The following RGL1 variants were observed in gnomAD, a reference collection of about 807,000 sequenced individuals.
RGL1 encodes ral guanine nucleotide dissociation stimulator-like 1.
Under a neutral mutation model 95.2 loss-of-function variants are expected in RGL1, and 24 were observed. The observed-to-expected ratio is 0.25, with a 90% CI of 0.18 to 0.35. The LOEUF is 0.35. RGL1 is among the 10% of genes least tolerant of loss of function. RGL1 has a pLI of 1.00. For missense variants in RGL1, 715 were observed against 936.3 expected, an observed-to-expected ratio of 0.76 and a Z score of 3.08; for synonymous variants, 329 against 344.9, an observed-to-expected ratio of 0.95 and a Z score of 0.51.
intron 2 of RGL1, among the ~76,000 whole-genome samples, chr1:183,774,100 C>G (rs1465180932): frequency 6.6e-6 from 1 of 152,136 alleles, no homozygotes; most frequent in Non-Finnish European, 1.5e-5. Flanking sequence ...TAGCAAGCCC[C>G]TTGATACAAA....
chr1:183,722,292 T>C (rs1292111314), intron 1 of RGL1, among the ~76,000 whole-genome samples: 2 of 149,876 alleles, frequency 1.3e-5, no homozygotes, highest in African/African-American at 2.4e-5. Flanking sequence ...AAAATGAAGC[T>C]TACACACAGA....
intron 15 of RGL1, among the ~76,000 whole-genome samples, chr1:183,912,804 A>T (rs10911464): frequency 0.29 from 44,781 of 152,106 alleles, 6,807 homozygotes; most frequent in East Asian, 0.48. Flanking sequence ...TACCCAGGGC[A>T]TGCCCTTAGC....
chr1:183,766,980 C>T (rs1342207573), intron 2 of RGL1, among the ~76,000 whole-genome samples: 1 of 151,700 alleles, frequency 6.6e-6, no homozygotes, highest in African/African-American at 2.4e-5. Flanking sequence ...CTTTGGAAAG[C>T]CAAGGTGGGA....
intron 13 of RGL1, among the ~76,000 whole-genome samples, chr1:183,906,625 A>G (rs112060657): frequency 1.7e-3 from 255 of 152,328 alleles, no homozygotes; most frequent in African/African-American, 6.1e-3. Flanking sequence ...AATAGTAGGA[A>G]GGAGGTAATA....
chr1:183,872,061 C>T (rs1273333163), intron 4 of RGL1, among the ~76,000 whole-genome samples: 4 of 152,214 alleles, frequency 2.6e-5, no homozygotes, highest in Non-Finnish European at 1.5e-5. Flanking sequence ...CTTTCTATGA[C>T]AGAAGAAAAC....
intron 2 of RGL1, among the ~76,000 whole-genome samples, chr1:183,799,395 T>C (rs534508767): frequency 6.6e-6 from 1 of 152,346 alleles, no homozygotes; most frequent in East Asian, 1.9e-4. Flanking sequence ...CATACTGTTT[T>C]CCATAGTGGC....
chr1:183,806,582 T>C (rs1661353456), intron 2 of RGL1, 97 bp downstream of exon 2: 4 of 804,338 alleles, frequency 5.0e-6, no homozygotes, highest in Middle Eastern at 2.5e-4. Flanking sequence ...TTTTTTTTTT[T>C]CCTCTTTTCG....
At chr1:183,738,956 A>T (rs1657118330) in intron 1 of RGL1, among the ~76,000 whole-genome samples, 1 of 152,302 alleles carries the variant, frequency 6.6e-6, no homozygotes, top group Non-Finnish European at 1.5e-5. Context: ...AGATTTGAAG[A>T]GGAAAAGGAC....
intron 2 of RGL1, among the ~76,000 whole-genome samples, chr1:183,821,134 AAAT>A (rs56019394): frequency 0.012 from 1,847 of 150,604 alleles, 45 homozygotes; most frequent in African/African-American, 0.043. Context: ...ACTCCGTCTA[AAAT>A]AATAATAATA....
chr1:183,887,527 AC>A (rs1432197401), intron 7 of RGL1, among the ~76,000 whole-genome samples: 2 of 152,154 alleles, frequency 1.3e-5, no homozygotes. Context: ...ACTTGTAAAC[AC>A]TGGGCCTAGT....
intron 2 of RGL1, among the ~76,000 whole-genome samples, chr1:183,746,622 ATTT>A (rs71130633): frequency 0.36 from 51,910 of 144,066 alleles, 11,076 homozygotes; most frequent in Non-Finnish European, 0.48. Context: ...GTATACATGT[ATTT>A]TTTTTTTTTT....
At chr1:183,865,910 CTG>C in intron 3 of RGL1, 84 bp from the exon 4 acceptor site, 1 of 871,820 alleles carries the variant, frequency 1.1e-6, no homozygotes, top group Non-Finnish European at 1.9e-6. Context: ...AAAAGTATAA[CTG>C]TCACTTTGTA....
chr1:183,777,054 A>G (rs888138703), intron 2 of RGL1, among the ~76,000 whole-genome samples: 2 of 152,186 alleles, frequency 1.3e-5, no homozygotes, highest in Non-Finnish European at 2.9e-5. Flanking sequence ...CAACCTAAGG[A>G]CTTTTATAGA....
chr1:183,799,470 A>C (rs1457409206), intron 2 of RGL1, among the ~76,000 whole-genome samples: 1 of 151,906 alleles, frequency 6.6e-6, no homozygotes, highest in African/African-American at 2.4e-5. Context: ...CCTCACCAAC[A>C]CTTGTTTGTT....
intron 14 of RGL1, 62 bp downstream of exon 14, chr1:183,907,163 T>C (rs896196863): frequency 3.2e-6 from 3 of 923,488 alleles, no homozygotes; most frequent in African/African-American, 3.3e-5. Flanking sequence ...TGAGAGGAGA[T>C]GTATTCAACA....
intron 1 of RGL1, among the ~76,000 whole-genome samples, chr1:183,702,908 C>A (rs538284905): frequency 6.6e-6 from 1 of 152,160 alleles, no homozygotes; most frequent in African/African-American, 2.4e-5. Flanking sequence ...GCACCAAATG[C>A]GGACAGGGTA....
intron 2 of RGL1, among the ~76,000 whole-genome samples, chr1:183,746,196 T>C (rs1345375477): frequency 6.6e-6 from 1 of 152,120 alleles, no homozygotes; most frequent in Non-Finnish European, 1.5e-5. Flanking sequence ...TCACCTACTA[T>C]CTCTTTGATT....
At chr1:183,822,336 A>G in intron 2 of RGL1, among the ~76,000 whole-genome samples, 1 of 122,272 alleles carries the variant, frequency 8.2e-6, no homozygotes, top group East Asian at 2.3e-4. Context: ...ACAATTGCCC[A>G]CAAAAGCCAC....
intron 1 of RGL1, among the ~76,000 whole-genome samples, chr1:183,711,153 T>C (rs1655238623): frequency 6.6e-6 from 1 of 152,156 alleles, no homozygotes; most frequent in Admixed American, 6.5e-5. Flanking sequence ...GGTTACCCTT[T>C]GCAGTGTGCA....
Sources: allele counts gnomAD v4.1 joint callset (sites outside exome capture counted in the v4.1 genomes callset), GRCh38; gene constraint gnomAD v4.1.1; transcripts MANE v1.5; gene names NCBI Gene and HGNC (gene_info 2026-07-23, HGNC 2026-07-21).